The following EIPR1 variants were observed in gnomAD, a reference collection of about 807,000 sequenced individuals.
EIPR1 encodes EARP complex and GARP complex interacting protein 1.
Under a neutral mutation model 48.1 loss-of-function variants are expected in EIPR1, and 25 were observed. The ratio of observed to expected loss-of-function variants is 0.52; its 90% CI spans 0.38 to 0.73. EIPR1 has a LOEUF of 0.73. EIPR1 is among the 30% of genes least tolerant of loss of function. The pLI, the probability that EIPR1 is intolerant of heterozygous loss-of-function variation, is 0.00. For missense variants in EIPR1, 415 were observed against 506.2 expected (o/e 0.82, Z 1.73); for synonymous variants, 204 against 201.9 (o/e 1.01, Z -0.09).
intron 4 of EIPR1, among the ~76,000 whole-genome samples, chr2:3,250,094 C>G (rs1281771771): frequency 1.3e-5 from 2 of 151,950 alleles, no homozygotes; most frequent in Non-Finnish European, 2.9e-5. Context: ...CATTAGGACA[C>G]TGCCTAGTGG....
chr2:3,346,065 T>C lies in EIPR1; in HGVS notation c.127-7916A>G, dbSNP rs959246782. Among the ~76,000 whole-genome samples the C allele has an allele frequency of 2.0e-5, 3 of 152,320 alleles. No individual in the cohort carries two copies. The East Asian group carries it at 5.8e-4, about 29-fold the overall frequency. ...ACACCACTTCTCCCAGCATGTTTTG[T>C]TCATCCGAAGTAGTGACAGACACCC... On this transcript the variant is annotated intron_variant, in intron 2 of 8. Coordinates refer to ENST00000382125, the MANE Select transcript of EIPR1 (RefSeq NM_003310.5).
At chr2:3,325,185 C>T (rs1669657026) in intron 3 of EIPR1, among the ~76,000 whole-genome samples, 1 of 152,184 alleles carries the variant, frequency 6.6e-6, no homozygotes, top group African/African-American at 2.4e-5. Context: ...CTGCAAGGGC[C>T]GGCGGTCAGG....
chr2:3,257,159 A>G (rs1667182485), intron 4 of EIPR1, 140 bp downstream of exon 4: 1 of 1,093,336 alleles, frequency 9.1e-7, no homozygotes, highest in South Asian at 1.9e-5. Flanking sequence ...AAAATTAAAA[A>G]TCAAATTCTC....
chr2:3,263,355 G>GTGA (rs1487393363), intron 3 of EIPR1, among the ~76,000 whole-genome samples: 1 of 152,198 alleles, frequency 6.6e-6, no homozygotes, highest in Admixed American at 6.5e-5. Flanking sequence ...ATGTGGCAAG[G>GTGA]TGATGCCTGG....
At position 3,317,115 on chromosome 2, in the gene EIPR1, T is replaced by C. The variant is rs879605865; in HGVS notation, c.259+20902A>G. On this transcript the variant is annotated intron_variant, in intron 3 of 8. Transcript: ENST00000382125. ...CGAGCTGAGGGCCTACTGTGTGCCT[T>C]GCATGTGGGGTGGAGCACAGAGCCC... is the stretch of plus-strand genomic sequence containing the variant. Among the ~76,000 whole-genome samples the C allele has an allele frequency of 5.7e-4, 63 of 109,602 alleles. No homozygotes were observed. In the Middle Eastern group the frequency reaches 0.028, roughly 49 times the overall value. The allele number at this position is 109,602 out of a possible 152,430, so 71.9% of individuals were successfully genotyped here.
intron 3 of EIPR1, chr2:3,319,066 T>G (rs1669408939): frequency 1.9e-5 from 8 of 419,070 alleles, no homozygotes; most frequent in South Asian, 1.4e-4. Flanking sequence ...AGAAAAGTGT[T>G]TAAGATATTT....
chr2:3,341,570 G>A (rs187951235), intron 2 of EIPR1, among the ~76,000 whole-genome samples: 13 of 152,054 alleles, frequency 8.5e-5, no homozygotes, highest in Admixed American at 7.2e-4. Context: ...GTGAGTGTGA[G>A]GCAGGTGCAG....
intron 3 of EIPR1, among the ~76,000 whole-genome samples, chr2:3,271,277 T>A (rs975116391): frequency 6.6e-6 from 1 of 152,214 alleles, no homozygotes; most frequent in Non-Finnish European, 1.5e-5. Flanking sequence ...TAACTTCCTA[T>A]TAATGTCAAT....
intron 4 of EIPR1, among the ~76,000 whole-genome samples, chr2:3,238,395 G>A (rs1465257002): frequency 6.6e-6 from 1 of 152,228 alleles, no homozygotes; most frequent in Non-Finnish European, 1.5e-5. Context: ...CCTGTCGCCT[G>A]CACAGGTGAT....
intron 3 of EIPR1, chr2:3,319,705 A>AACACCATCCCTGCG (rs1558295774): frequency 6.4e-6 from 1 of 156,014 alleles, no homozygotes; most frequent in Non-Finnish European, 1.4e-5. Context: ...CCACCCCTGC[A>AACACCATCCCTGCG]GGCAACACCA....
At chr2:3,376,030 T>C (rs1659866136) in intron 1 of EIPR1, among the ~76,000 whole-genome samples, 1 of 152,120 alleles carries the variant, frequency 6.6e-6, no homozygotes, top group Non-Finnish European at 1.5e-5. Flanking sequence ...ATCCCAGCAC[T>C]TTGGGAGGCC....
chr2:3,261,555 C>A (rs986165978), intron 3 of EIPR1, among the ~76,000 whole-genome samples: 2 of 152,330 alleles, frequency 1.3e-5, no homozygotes, highest in South Asian at 2.1e-4. Flanking sequence ...TTCCTGAATG[C>A]CATTCCCTGG....
chr2:3,218,540 T>C (rs1346945793), intron 4 of EIPR1, among the ~76,000 whole-genome samples: 29 of 102,782 alleles, frequency 2.8e-4, no homozygotes, highest in East Asian at 1.5e-3. Flanking sequence ...AGGTGCACAC[T>C]CAACACGACC....
At chr2:3,210,962 C>T (rs1489821681) in intron 5 of EIPR1, among the ~76,000 whole-genome samples, 2 of 152,054 alleles carry the variant, frequency 1.3e-5, no homozygotes, top group African/African-American at 4.8e-5. Context: ...TAAGTGAGAA[C>T]ATGCATAGTT....
At chr2:3,351,245 C>A (rs1670569503) in intron 2 of EIPR1, among the ~76,000 whole-genome samples, 1 of 152,216 alleles carries the variant, frequency 6.6e-6, no homozygotes, top group Admixed American at 6.5e-5. Context: ...AAGTGATCCA[C>A]CCGCCTTGGC....
intron 2 of EIPR1, among the ~76,000 whole-genome samples, chr2:3,351,933 C>T (rs550184729): frequency 1.3e-5 from 2 of 152,358 alleles, no homozygotes; most frequent in South Asian, 4.1e-4. Flanking sequence ...AGTCTGGAGC[C>T]ATCCCACTCC....
intron 3 of EIPR1, among the ~76,000 whole-genome samples, chr2:3,266,451 T>TA (rs1331451188): frequency 6.6e-6 from 1 of 152,242 alleles, no homozygotes; most frequent in Non-Finnish European, 1.5e-5. Flanking sequence ...GATGGCCTTT[T>TA]AAATGCCTTA....
chr2:3,229,478 C>G (rs779341543), intron 4 of EIPR1, among the ~76,000 whole-genome samples: 10 of 152,236 alleles, frequency 6.6e-5, no homozygotes, highest in Admixed American at 1.3e-4. Flanking sequence ...GCTTGGCAAG[C>G]ATGCCAATAA....
At chr2:3,263,733 C>T (rs1269907539) in intron 3 of EIPR1, among the ~76,000 whole-genome samples, 1 of 152,086 alleles carries the variant, frequency 6.6e-6, no homozygotes, top group Admixed American at 6.5e-5. Context: ...GGCACGGTGC[C>T]GGACCCAGCT....
Sources: gnomAD v4.1 joint callset for allele counts (sites outside exome capture counted in the v4.1 genomes callset) on GRCh38, gnomAD v4.1.1 for gene constraint, MANE v1.5 for transcripts, NCBI Gene and HGNC (gene_info 2026-07-23, HGNC 2026-07-21) for gene names.